Variants in ZC3H12C observed in about 807,000 individuals in gnomAD.
ZC3H12C encodes zinc finger CCCH-type containing 12C.
A neutral mutation model predicts 76.3 loss-of-function variants in ZC3H12C; 20 were observed. That is an observed-to-expected ratio of 0.26 (90% CI 0.18 to 0.38). The LOEUF is 0.38. Among genes scored for constraint, ZC3H12C ranks in the 10% least tolerant of loss-of-function variants. ZC3H12C has a pLI of 1.00. For missense variants in ZC3H12C, 874 were observed against 1,086.5 expected, an observed-to-expected ratio of 0.80 and a Z score of 2.75; for synonymous variants, 352 against 399.6, an observed-to-expected ratio of 0.88 and a Z score of 1.42.
chr11:110,135,961 A>G (rs1047534381), intron 1 of ZC3H12C: 3 of 152,312 alleles, frequency 2.0e-5, no homozygotes, highest in African/African-American at 7.2e-5. Context: ...TTGTGTTACT[A>G]TGTTCCATAG....
Position 110,136,918 on chromosome 11 carries a change from AAC to A in ZC3H12C, c.281_282del (p.Thr94LysfsTer3). On this transcript the variant is annotated frameshift_variant, in exon 2 of 6. Transcript: ENST00000278590. LOFTEE classifies it high-confidence loss of function. Reference protein sequence around the residue: ...ENASSGDSEENTNSDHESEQL... With the variant: ...ENASSGDSEEXTNSDHESEQL... The stretch of plus-strand genomic sequence containing the variant: ...TGCAAGCTCTGGTGACTCTGAAGAA[AAC>A]ACAAATTCTGATCATGAGTCAGAAC... 1 of 1,613,772 alleles carries A rather than the reference AAC, an allele frequency of 6.2e-7. No individual in the cohort carries two copies. The highest frequency in any genetic ancestry group is 8.5e-7 in the Non-Finnish European group (1 of 1,179,812).
intron 1 of ZC3H12C, among the ~76,000 whole-genome samples, chr11:110,104,558 A>G (rs750513887): frequency 3.9e-5 from 6 of 152,228 alleles, no homozygotes; most frequent in Non-Finnish European, 7.3e-5. Context: ...TAAAAGCTGT[A>G]GGATACTCAG....
At chr11:110,117,964 TACACACAC>T (rs1861577844) in intron 1 of ZC3H12C, among the ~76,000 whole-genome samples, 3 of 121,324 alleles carry the variant, frequency 2.5e-5, no homozygotes, top group Non-Finnish European at 4.9e-5. Context: ...CACACATATA[TACACACAC>T]ATATATATTA....
chr11:110,097,134 TTC>T (rs1248866152), intron 1 of ZC3H12C, among the ~76,000 whole-genome samples: 2 of 152,212 alleles, frequency 1.3e-5, no homozygotes, highest in African/African-American at 4.8e-5. Context: ...TATGGCAAAT[TTC>T]TCTCTGTTTA....
At chr11:110,160,468 T>C (rs1862459675) in intron 4 of ZC3H12C, among the ~76,000 whole-genome samples, 1 of 152,188 alleles carries the variant, frequency 6.6e-6, no homozygotes. Context: ...AAAAACATTT[T>C]CCTTCTTTAT....
chr11:110,093,984 A>AC (rs1459192439), intron 1 of ZC3H12C, among the ~76,000 whole-genome samples: 1 of 149,934 alleles, frequency 6.7e-6, no homozygotes, highest in African/African-American at 2.5e-5. Flanking sequence ...TCCCTCCTTC[A>AC]CCCCCAGGCT....
chr11:110,125,731 T>G (rs934868796), intron 1 of ZC3H12C, among the ~76,000 whole-genome samples: 54 of 152,122 alleles, frequency 3.5e-4, no homozygotes, highest in African/African-American at 1.2e-3. Flanking sequence ...CCCGCCACCA[T>G]CTCCTTACGG....
chr11:110,126,822 A>G (rs906413469), intron 1 of ZC3H12C, among the ~76,000 whole-genome samples: 1 of 152,166 alleles, frequency 6.6e-6, no homozygotes, highest in African/African-American at 2.4e-5. Flanking sequence ...TATTTTAATG[A>G]ATAAATACAC....
At chr11:110,155,020 G>C (rs1862349854) in intron 3 of ZC3H12C, among the ~76,000 whole-genome samples, 1 of 152,122 alleles carries the variant, frequency 6.6e-6, no homozygotes, top group East Asian at 1.9e-4. Context: ...AGATGCAGTG[G>C]CTCAAGCCTG....
chr11:110,110,602 G>A (rs940512834), intron 1 of ZC3H12C, among the ~76,000 whole-genome samples: 5 of 152,192 alleles, frequency 3.3e-5, no homozygotes, highest in African/African-American at 9.6e-5. Context: ...TGAGAATGGA[G>A]AAGGGTGGCA....
intron 1 of ZC3H12C, among the ~76,000 whole-genome samples, chr11:110,108,899 C>T (rs1861379930): frequency 6.6e-6 from 1 of 152,242 alleles, no homozygotes; most frequent in Non-Finnish European, 1.5e-5. Context: ...ATCTTCCACA[C>T]TGAATCCAGT....
chr11:110,159,565 TTC>T (rs906569110), intron 4 of ZC3H12C, 75 bp downstream of exon 4: 4 of 1,289,618 alleles, frequency 3.1e-6, no homozygotes, highest in Non-Finnish European at 4.3e-6. Context: ...TGCTACAGAA[TTC>T]TCTTTTTGCC....
chr11:110,164,804 GC>G lies in ZC3H12C; in HGVS notation c.1721del (p.Pro574LeufsTer20). 1 of 1,613,996 alleles carries G rather than the reference GC, an allele frequency of 6.2e-7. No individual in the cohort carries two copies. The highest frequency in any genetic ancestry group is 8.5e-7 in the Non-Finnish European group (1 of 1,179,890). ...MATKNHGTPM[P>X]YEQYPKCDSP... The stretch of plus-strand genomic sequence containing the variant: ...CAACCAAAAATCATGGAACGCCAAT[GC>G]CTTATGAACAGTATCCAAAATGTGA... On this transcript the variant is annotated frameshift_variant, in exon 6 of 6. Coordinates refer to ENST00000278590, the MANE Select transcript of ZC3H12C (RefSeq NM_033390.2). LOFTEE classifies it high-confidence loss of function. The surrounding 1 kb of genome is among the most constrained non-coding windows in gnomAD (Gnocchi z 5.7).
intron 1 of ZC3H12C, among the ~76,000 whole-genome samples, chr11:110,132,078 AT>A (rs1357589827): frequency 6.6e-6 from 1 of 152,166 alleles, no homozygotes; most frequent in East Asian, 1.9e-4. Flanking sequence ...TCATTATTTT[AT>A]TTTTATTGTT....
chr11:110,114,214 T>G (rs1053478764), intron 1 of ZC3H12C, among the ~76,000 whole-genome samples: 1 of 152,170 alleles, frequency 6.6e-6, no homozygotes, highest in African/African-American at 2.4e-5. Flanking sequence ...TCCTTTTTTT[T>G]CTTTGCCTCA....
chr11:110,159,578 A>G, intron 4 of ZC3H12C, 88 bp downstream of exon 4: 2 of 1,110,914 alleles, frequency 1.8e-6, no homozygotes, highest in Non-Finnish European at 2.6e-6. Flanking sequence ...TCTTTTTGCC[A>G]CTGTCCAGAC....
intron 1 of ZC3H12C, among the ~76,000 whole-genome samples, chr11:110,114,662 A>G (rs1393621955): frequency 6.6e-6 from 1 of 152,218 alleles, no homozygotes; most frequent in East Asian, 1.9e-4. Flanking sequence ...TTAAAAATGT[A>G]TTATTTGTAT....
At chr11:110,133,288 T>G (rs1182379713) in intron 1 of ZC3H12C, among the ~76,000 whole-genome samples, 2 of 152,212 alleles carry the variant, frequency 1.3e-5, no homozygotes, top group Non-Finnish European at 2.9e-5. Context: ...GTAGTATGTT[T>G]ATAGGCATAG....
chr11:110,104,598 C>T (rs1370124230), intron 1 of ZC3H12C, among the ~76,000 whole-genome samples: 1 of 152,198 alleles, frequency 6.6e-6, no homozygotes, highest in Non-Finnish European at 1.5e-5. Context: ...TGAAAGGCTA[C>T]ACAGTGTGGA....
Sources: allele counts gnomAD v4.1 joint callset (sites outside exome capture counted in the v4.1 genomes callset), GRCh38; gene constraint gnomAD v4.1.1; non-coding constraint Gnocchi (gnomAD v3.1); transcripts MANE v1.5; gene names NCBI Gene and HGNC (gene_info 2026-07-23, HGNC 2026-07-21).